Variants in PSMG2 observed in about 807,000 individuals in gnomAD.
PSMG2 encodes proteasome assembly chaperone 2, also known as CD40 ligand-activated specific transcript 3.
In PSMG2, 21 loss-of-function variants were observed where a neutral mutation model predicts 31.5. The observed-to-expected ratio is 0.67, with a 90% CI of 0.47 to 0.96. The LOEUF is 0.96. PSMG2 is among the 40% of genes least tolerant of loss of function. The pLI, the probability that PSMG2 is intolerant of heterozygous loss-of-function variation, is 0.00. For synonymous variants in PSMG2, 120 were observed against 110.4 expected (o/e 1.09, Z -0.54); for missense variants, 318 against 321.2 (o/e 0.99, Z 0.08).
At chr18:12,688,241 A>C (rs985860400) in intron 1 of PSMG2, among the ~76,000 whole-genome samples, 24 of 152,056 alleles carry the variant, frequency 1.6e-4, no homozygotes, top group Admixed American at 2.6e-4. Context: ...AAAAAAAAAA[A>C]AAAAAACAAA....
chr18:12,720,740 C>A, intron 5 of PSMG2, 57 bp downstream of exon 5: 1 of 1,535,802 alleles, frequency 6.5e-7, no homozygotes, highest in Admixed American at 1.9e-5. Context: ...GAAATTAATG[C>A]AGTGAGCTGA....
rs71174127 is a variant in PSMG2 at position 12,677,458 on chromosome 18, CAAAAAAAAA to C, written c.-37+18703_-37+18711del. On this transcript the variant is annotated intron_variant, in intron 1 of 6. Transcript: ENST00000585331. The stretch of plus-strand genomic sequence containing the variant: ...GGTGACAGAGCGAGAGATTCCATCT[CAAAAAAAAA>C]AAAAAAAAAAAAAAAAAGAGGTTTG... Among the ~76,000 whole-genome samples the C allele has an allele frequency of 1.7e-3, 94 of 53,946 alleles. 1 individual carries two copies. Among genetic ancestry groups the C allele is most frequent in the African/African-American group, 4.0e-3 (48 of 12,120 alleles). The allele number at this position is 53,946 out of a possible 152,430, so 35.4% of individuals were successfully genotyped here. A position where few individuals can be genotyped will look rare whatever the true frequency, so the allele number is the denominator to read the frequency against.
At chr18:12,717,806 T>A (rs1261927327) in intron 3 of PSMG2, among the ~76,000 whole-genome samples, 1 of 152,166 alleles carries the variant, frequency 6.6e-6, no homozygotes, top group Non-Finnish European at 1.5e-5. Flanking sequence ...TGGAGCATTC[T>A]CCATTCATCT....
intron 2 of PSMG2, 46 bp from the exon 3 acceptor site, chr18:12,712,656 T>C: frequency 7.3e-7 from 1 of 1,376,980 alleles, no homozygotes; most frequent in East Asian, 2.3e-5. Flanking sequence ...TTTCAACTTG[T>C]ATAACTTCAC....
intron 1 of PSMG2, chr18:12,686,256 T>C: frequency 1.2e-6 from 2 of 1,606,802 alleles, no homozygotes; most frequent in South Asian, 2.2e-5. Context: ...TATGTGTGTA[T>C]AATACCTTGT....
chr18:12,710,530 CA>C (rs1294796380), intron 2 of PSMG2, among the ~76,000 whole-genome samples: 3 of 152,210 alleles, frequency 2.0e-5, no homozygotes, highest in African/African-American at 7.2e-5. Flanking sequence ...TACTCTAGAG[CA>C]GTCCCTTTTT....
intron 1 of PSMG2, chr18:12,685,309 C>T (rs1009237317): frequency 6.6e-6 from 1 of 151,982 alleles, no homozygotes; most frequent in Non-Finnish European, 1.5e-5. Flanking sequence ...CTTATTTTCT[C>T]TTTTTTAAAG....
At chr18:12,673,501 GATCT>G (rs762909227) in intron 1 of PSMG2, 14 of 1,570,542 alleles carry the variant, frequency 8.9e-6, no homozygotes, top group South Asian at 3.6e-5. Flanking sequence ...ACAGAAAGGA[GATCT>G]ATTTAAGAAA....
chr18:12,692,265 G>A (rs62096023), intron 1 of PSMG2: 35,872 of 151,024 alleles, frequency 0.24, 4,931 homozygotes, highest in Non-Finnish European at 0.32. Flanking sequence ...GCAGTGAGCC[G>A]AGTTCATGCC....
Position 12,725,522 on chromosome 18 carries a change from A to C in PSMG2, c.786A>C (p.Ala262=). ...RLLFGSGLPP[A]LF The stretch of plus-strand genomic sequence containing the variant: ...TCTTTGGCAGTGGTCTTCCCCCTGC[A>C]CTTTTCTGATCTAATTTCTGTTTTA... Residue 262 remains alanine, a synonymous_variant, in exon 7 of 7, where the codon GCA becomes GCC. Coordinates refer to ENST00000317615, the MANE Select transcript of PSMG2 (RefSeq NM_020232.5). 1 of 1,588,230 alleles carries C rather than the reference A, an allele frequency of 6.3e-7. No individual in the cohort carries two copies. The highest frequency in any genetic ancestry group is 8.6e-7 in the Non-Finnish European group (1 of 1,157,318).
upstream of PSMG2, chr18:12,702,740 C>T (rs2039515860): frequency 6.5e-6 from 4 of 619,556 alleles, no homozygotes; most frequent in South Asian, 6.3e-5. Context: ...CCGGCGGCGG[C>T]GGCGCCAACT....
chr18:12,672,663 T>C (rs2038978520), intron 1 of PSMG2: 1 of 981,560 alleles, frequency 1.0e-6, no homozygotes, highest in South Asian at 4.7e-5. Context: ...ATCAGTATCA[T>C]AACAAAGAGG....
At position 12,718,696 on chromosome 18, in the gene PSMG2, T is replaced by C. The variant is rs1040040849; in HGVS notation, c.407+61T>C. The stretch of plus-strand genomic sequence containing the variant: ...GGTTTATACTATGATAATTTCTCTA[T>C]TAAAAAGTTAAACTTTAAAAGCCAC... On this transcript the variant is annotated intron_variant, in intron 4 of 6. Transcript: ENST00000317615. 7.1e-6 allele frequency: 9 copies of C among 1,265,282 alleles called. No homozygotes were observed. The African/African-American group carries it at 1.2e-4, about 17-fold the overall frequency. 78.4% of individuals were successfully genotyped at this position (1,265,282 alleles called of 1,614,324 possible).
At chr18:12,691,965 C>T (rs554855299) in intron 1 of PSMG2, among the ~76,000 whole-genome samples, 6 of 152,180 alleles carry the variant, frequency 3.9e-5, no homozygotes, top group Middle Eastern at 3.4e-3. Flanking sequence ...ATGATCCGCC[C>T]GCCTTGGCCT....
intron 1 of PSMG2, among the ~76,000 whole-genome samples, chr18:12,668,156 T>G (rs1269723014): frequency 6.6e-6 from 1 of 151,990 alleles, no homozygotes; most frequent in Non-Finnish European, 1.5e-5. Flanking sequence ...TCCCAGCTAT[T>G]TGGGAGGCTG....
At chr18:12,704,634 C>T (rs757379934) in intron 1 of PSMG2, among the ~76,000 whole-genome samples, 8 of 152,048 alleles carry the variant, frequency 5.3e-5, no homozygotes, top group Non-Finnish European at 7.4e-5. Context: ...CTTATGTTTT[C>T]GTGGACGACT....
rs573198404 is a variant in PSMG2 at position 12,716,641 on chromosome 18, G to T, written c.289-1876G>T. 4.7e-4 allele frequency among the ~76,000 whole-genome samples: 71 copies of T among 152,038 alleles called. 1 individual carries two copies. Among genetic ancestry groups the T allele is most frequent in the Middle Eastern group, 3.4e-3 (1 of 294 alleles). ...GATCTCCTGACCTTGTGATCTGCCCGCCTCAGCCTCCCAAAGTGCTGGGAT... is the reference window on the plus strand; with the variant it reads ...GATCTCCTGACCTTGTGATCTGCCCTCCTCAGCCTCCCAAAGTGCTGGGAT... On this transcript the variant is annotated intron_variant, in intron 3 of 6. Transcript: ENST00000317615.
intron 1 of PSMG2, chr18:12,686,282 C>A (rs2039537838): frequency 6.2e-7 from 1 of 1,613,508 alleles, no homozygotes; most frequent in Admixed American, 1.7e-5. Flanking sequence ...CAGAGAAAGG[C>A]CAGCAGAGTG....
At chr18:12,681,858 T>C (rs1306187596) in intron 1 of PSMG2, among the ~76,000 whole-genome samples, 1 of 151,976 alleles carries the variant, frequency 6.6e-6, no homozygotes, top group Non-Finnish European at 1.5e-5. Context: ...TAGCTGGGTA[T>C]GGTGGTGTGT....
Sources: gnomAD v4.1 joint callset for allele counts (sites outside exome capture counted in the v4.1 genomes callset) on GRCh38, gnomAD v4.1.1 for gene constraint, MANE v1.5 for transcripts, NCBI Gene and HGNC (gene_info 2026-07-23, HGNC 2026-07-21) for gene names.